ACAN: variants seen among roughly 807,000 people sequenced by gnomAD.
ACAN encodes aggrecan, also known as aggrecan core protein.
ACAN carries 47 observed loss-of-function variants against 169.1 expected under a neutral mutation model. The ratio of observed to expected loss-of-function variants is 0.28; its 90% CI spans 0.22 to 0.35. The LOEUF (loss-of-function observed/expected upper bound fraction) is 0.35. Among genes scored for constraint, ACAN ranks in the 10% least tolerant of loss-of-function variants. The pLI, the probability that ACAN is intolerant of heterozygous loss-of-function variation, is 1.00. For synonymous variants in ACAN, 1,115 were observed against 1,112.2 expected (o/e 1.00, Z -0.05); for missense variants, 2,716 against 2,759.9 (o/e 0.98, Z 0.36).
In ACAN at chr15:88,811,099, A is replaced by G. The variant is rs558286512; in HGVS notation, c.-8+7290A>G. Among the ~76,000 whole-genome samples the G allele has an allele frequency of 2.8e-4, 42 of 152,268 alleles. 2 individuals carry two copies. In the South Asian group the frequency reaches 8.5e-3, roughly 31 times the overall value. On this transcript the variant is annotated intron_variant, in intron 1 of 18. Transcript: ENST00000560601. ...CCCTTGGTTCTCCAAGGTGGTTTGT[A>G]TAGAACACGCCTTCCAAGGCCAGCA...
At chr15:88,828,694 T>C (rs902789845) in intron 1 of ACAN, among the ~76,000 whole-genome samples, 2 of 152,146 alleles carry the variant, frequency 1.3e-5, no homozygotes, top group Non-Finnish European at 2.9e-5. Flanking sequence ...GTTCCTTCTG[T>C]TCCCAGAAGT....
chr15:88,841,907 C>T (rs763625048), intron 5 of ACAN, 40 bp downstream of exon 5: 17 of 1,610,972 alleles, frequency 1.1e-5, no homozygotes, highest in Non-Finnish European at 1.4e-5. Flanking sequence ...CAGCTCCCTT[C>T]CCAAGGCCAC....
Position 88,854,907 on chromosome 15 carries a change from C to A in ACAN, c.2322C>A (p.Gly774=), listed in dbSNP as rs1229832493. The A allele has an allele frequency of 6.3e-7, 1 of 1,577,888 alleles. No homozygotes were observed. The highest frequency in any genetic ancestry group is 1.4e-5 in the African/African-American group (1 of 73,724). ...TGAATEESTE[G]PSATEVPSAS... is the part of the protein sequence containing the mutation. ...CAGCAACAGAGGAAAGTACAGAAGG[C>A]CCTTCTGCAACTGAAGTGCCCTCTG... The change falls in exon 12 of 19, where the codon GGC becomes GGA. Residue 774 remains glycine (G), a synonymous_variant. Transcript: ENST00000560601.
At position 88,843,362 on chromosome 15, in the gene ACAN, C is replaced by A. The variant is rs1487521815; in HGVS notation, c.765C>A (p.Val255=). 6.3e-7 allele frequency: 1 copy of A among 1,575,858 alleles called. No homozygotes were observed. The highest frequency in any genetic ancestry group is 8.7e-7 in the Non-Finnish European group (1 of 1,155,518). ...YCFAEEMEGE[V]FYATSPEKFT... is the part of the protein sequence containing the mutation. ...TGGCTGTGTCCTTCACAGGTGAGGT[C>A]TTTTATGCAACATCTCCAGAGAAGT... The change falls in exon 6 of 19, where the codon GTC becomes GTA. Residue 255 remains valine (V), a synonymous_variant. Coordinates refer to ENST00000560601, the MANE Select transcript of ACAN (RefSeq NM_001369268.1). The surrounding 1 kb of genome is among the most constrained non-coding windows in gnomAD (Gnocchi z 4.0).
intron 1 of ACAN, among the ~76,000 whole-genome samples, chr15:88,832,088 T>A (rs1047524852): frequency 1.3e-5 from 2 of 152,044 alleles, no homozygotes; most frequent in African/African-American, 4.8e-5. Context: ...CACCTTGTGA[T>A]GGAATGAGCA....
At chr15:88,848,064 G>T (rs377594553) in intron 9 of ACAN, 26 bp downstream of exon 9, 57 of 1,608,426 alleles carry the variant, frequency 3.5e-5, no homozygotes, top group Non-Finnish European at 4.5e-5. Context: ...TCACATTTCG[G>T]GCCCTAGATG....
At chr15:88,821,746 C>A (rs1896081399) in intron 1 of ACAN, among the ~76,000 whole-genome samples, 1 of 152,198 alleles carries the variant, frequency 6.6e-6, no homozygotes, top group Non-Finnish European at 1.5e-5. Context: ...TCAGCCAACA[C>A]TGAACCATCC....
chr15:88,829,569 A>G (rs909420905), intron 1 of ACAN, among the ~76,000 whole-genome samples: 1 of 152,200 alleles, frequency 6.6e-6, no homozygotes, highest in Non-Finnish European at 1.5e-5. Flanking sequence ...ATGCACAGCT[A>G]TCAGGATGAT....
intron 1 of ACAN, among the ~76,000 whole-genome samples, chr15:88,816,980 C>T (rs1895956556): frequency 6.6e-6 from 1 of 152,192 alleles, no homozygotes; most frequent in Non-Finnish European, 1.5e-5. Context: ...GAGCCTACTC[C>T]CTTCCCCACT....
At position 88,872,953 on chromosome 15, in the gene ACAN, T is replaced by C; in HGVS notation, c.7375T>C (p.Trp2459Arg). Reference protein sequence around the residue: ...AAGEDCVVMIWHEKGEWNDVP... With the variant: ...AAGEDCVVMIRHEKGEWNDVP... ...TGGAGAGGACTGTGTGGTGATGATC[T>C]GGCACGAGAAGGGCGAGTGGAATGA... is the stretch of plus-strand genomic sequence containing the variant. The change falls in exon 17 of 19, where the codon TGG (tryptophan) becomes CGG (arginine). Residue 2459 changes from tryptophan to arginine, a missense_variant. Physicochemically the swap from Trp to Arg is moderately radical, Grantham distance 101. Coordinates refer to ENST00000560601, the MANE Select transcript of ACAN (RefSeq NM_001369268.1). The surrounding 1 kb of genome is among the most constrained non-coding windows in gnomAD (Gnocchi z 5.4). 6.2e-7 allele frequency: 1 copy of C among 1,613,910 alleles called. No homozygotes were observed. Among genetic ancestry groups the C allele is most frequent in the South Asian group, 1.1e-5 (1 of 91,054 alleles).
chr15:88,847,761 C>G (rs1896830720), intron 8 of ACAN, 150 bp from the exon 9 acceptor site: 1 of 1,057,440 alleles, frequency 9.5e-7, no homozygotes, highest in Non-Finnish European at 1.3e-6. Context: ...AGAGAACTTG[C>G]TGCATAAGGG....
chr15:88,809,517 A>G (rs113565336), intron 1 of ACAN, among the ~76,000 whole-genome samples: 207 of 152,308 alleles, frequency 1.4e-3, no homozygotes, highest in African/African-American at 4.7e-3. Context: ...TCCCTAACCC[A>G]GGGCCAGGCA....
intron 1 of ACAN, among the ~76,000 whole-genome samples, chr15:88,826,374 CTTTTTTTTTTTTT>C (rs59069149): frequency 5.4e-5 from 6 of 111,588 alleles, no homozygotes; most frequent in African/African-American, 1.8e-4. Context: ...CCTTTTTTTT[CTTTTTTTTTTTTT>C]TTTTTTGGAG....
rs772387919 is a variant in ACAN, at chr15:88,872,854, T to C, written c.7303-27T>C. ...CAACCCGCACTGTCCTGCCCTCTCC[T>C]TACTCCTTCCCCACTCCCACCCACA... is the stretch of plus-strand genomic sequence containing the variant. On this transcript the variant is annotated intron_variant, in intron 16 of 18. Transcript: ENST00000560601. This position sits in a 1 kb window ranked among gnomAD's most constrained non-coding sequence, Gnocchi z 5.4. 2.5e-6 allele frequency: 4 copies of C among 1,612,230 alleles called. No homozygotes were observed. The highest frequency in any genetic ancestry group is 2.2e-5 in the South Asian group (2 of 90,936).
In ACAN at chr15:88,866,292, C is replaced by G. The variant is rs1897279339; in HGVS notation, c.6947-1924C>G. ...CCAGAGGCCACTCCTGTTCCCTGCT[C>G]TGTACAACTGCTTTAGCACCTACAT... On this transcript the variant is annotated intron_variant, in intron 13 of 18. Coordinates refer to ENST00000560601, the MANE Select transcript of ACAN (RefSeq NM_001369268.1). This position sits in a 1 kb window ranked among gnomAD's most constrained non-coding sequence, Gnocchi z 5.6. 6.6e-6 allele frequency among the ~76,000 whole-genome samples: 1 copy of G among 152,342 alleles called. No individual in the cohort carries two copies. Among genetic ancestry groups the G allele is most frequent in the African/African-American group, 2.4e-5 (1 of 41,578 alleles).
chr15:88,840,019 G>C lies in ACAN; in HGVS notation c.462G>C (p.Val154=), dbSNP rs1896608634. 1 of 1,599,562 alleles carries C rather than the reference G, an allele frequency of 6.3e-7. No individual in the cohort carries two copies. Among genetic ancestry groups the C allele is most frequent in the Non-Finnish European group, 8.5e-7 (1 of 1,172,622 alleles). ...ATLEVVVKGI[V]FHYRAISTRY... ...CGTGTATGTGTCTTGCAGGCATCGT[G>C]TTCCATTACAGAGCCATCTCTACAC... The change falls in exon 4 of 19, where the codon GTG becomes GTC. Residue 154 remains valine, a synonymous_variant. Coordinates refer to ENST00000560601, the MANE Select transcript of ACAN (RefSeq NM_001369268.1).
At position 88,841,803 on chromosome 15, in the gene ACAN, G is replaced by C. The variant is rs1362249306; in HGVS notation, c.693G>C (p.Arg231Ser). ...YGDKDEFPGVRTYGIRDTNET... is the reference protein window; with the variant it reads ...YGDKDEFPGVSTYGIRDTNET... ...ACAAGGATGAGTTTCCTGGTGTGAGGACGTATGGCATCCGAGACACCAACG... is the reference window on the plus strand; with the variant it reads ...ACAAGGATGAGTTTCCTGGTGTGAGCACGTATGGCATCCGAGACACCAACG... The change falls in exon 5 of 19, where the codon AGG (arginine) becomes AGC (serine). Residue 231 changes from arginine to serine, a missense_variant. Around this residue, in one of 3 missense-constraint regions of ACAN, gnomAD observed 1,283 missense variants for 1,281.5 expected, o/e 1.00. Transcript: ENST00000560601. 6.2e-7 allele frequency: 1 copy of C among 1,613,568 alleles called. No homozygotes were observed. The highest frequency in any genetic ancestry group is 1.1e-5 in the South Asian group (1 of 91,022).
Position 88,866,420 on chromosome 15 carries a change from T to C in ACAN, c.6947-1796T>C, listed in dbSNP as rs1897281560. On this transcript the variant is annotated intron_variant, in intron 13 of 18. Transcript: ENST00000560601. The surrounding 1 kb of genome is among the most constrained non-coding windows in gnomAD (Gnocchi z 5.6). ...CGCCCCCAGCTTCCGCCCTGCCGAC[T>C]GGCCTGACCTATTGCTGCTACTGCT... Among the ~76,000 whole-genome samples, 1 of 152,220 alleles carries C rather than the reference T, an allele frequency of 6.6e-6. No individual in the cohort carries two copies. Among genetic ancestry groups the C allele is most frequent in the African/African-American group, 2.4e-5 (1 of 41,466 alleles).
intron 13 of ACAN, among the ~76,000 whole-genome samples, chr15:88,865,750 G>T (rs1897270108): frequency 6.6e-6 from 1 of 152,220 alleles, no homozygotes; most frequent in Non-Finnish European, 1.5e-5. Context: ...CAGAAGGCAT[G>T]AGATGTCCTA....
Sources: allele counts gnomAD v4.1 joint callset (sites outside exome capture counted in the v4.1 genomes callset), GRCh38; gene constraint gnomAD v4.1.1; regional missense constraint gnomAD v4.1.1; non-coding constraint Gnocchi (gnomAD v3.1); transcripts MANE v1.5; gene names NCBI Gene and HGNC (gene_info 2026-07-23, HGNC 2026-07-21).